COL5A1: variants seen among roughly 807,000 people sequenced by gnomAD.
The protein encoded by COL5A1 is collagen type V alpha 1 chain, also known as collagen alpha-1(V) chain.
COL5A1 carries 16 observed loss-of-function variants against 263.7 expected under a neutral mutation model. The observed-to-expected ratio is 0.06, with a 90% confidence interval of 0.04 to 0.09. The LOEUF (loss-of-function observed/expected upper bound fraction) is 0.09. Ranked by LOEUF, COL5A1 falls within the 10% of genes least tolerant of loss-of-function variation. The probability of loss-of-function intolerance (pLI) is 1.00; values close to 1 mark genes in which losing one functional copy is unlikely to be tolerated. For missense variants in COL5A1, 2,036 were observed against 2,540.5 expected (o/e 0.80, Z 4.27); for synonymous variants, 1,012 against 1,004.5 (o/e 1.01, Z -0.14).
chr9:134,754,427 G>A lies in COL5A1; in HGVS notation c.1827+101G>A. 8 of 1,342,298 alleles carry A rather than the reference G, an allele frequency of 6.0e-6. No homozygotes were observed. Among genetic ancestry groups the A allele is most frequent in the South Asian group, 2.3e-5 (2 of 85,478 alleles). 83.1% of individuals were successfully genotyped at this position (1,342,298 alleles called of 1,614,324 possible). On this transcript the variant is annotated intron_variant, in intron 16 of 65. Coordinates refer to ENST00000371817, the MANE Select transcript of COL5A1 (RefSeq NM_000093.5). The surrounding 1 kb of genome is among the most constrained non-coding windows in gnomAD (Gnocchi z 4.3). ...CCCCCAACAGCCAGCTGGGCCACAT[G>A]AAGCCAGGTGGCTCCCCTTCTTGTG...
Position 134,728,753 on chromosome 9 carries a change from C to T in COL5A1, c.870C>T (p.Pro290=), listed in dbSNP as rs910476804. Residue 290 remains proline, a synonymous_variant, in exon 6 of 66, where the codon CCC becomes CCT. Coordinates refer to ENST00000371817, the MANE Select transcript of COL5A1 (RefSeq NM_000093.5). ...YEDPEDLGKE[P]TPSKKPVEAA... is the part of the protein sequence containing the mutation. ...ACCCCGAAGACCTAGGGAAGGAGCCCACCCCCAGCAAGAAGCCCGTGGAAG... is the reference window on the plus strand; with the variant it reads ...ACCCCGAAGACCTAGGGAAGGAGCCTACCCCCAGCAAGAAGCCCGTGGAAG... 1 of 1,614,212 alleles carries T rather than the reference C, an allele frequency of 6.2e-7. No homozygotes were observed. Among genetic ancestry groups the T allele is most frequent in the Non-Finnish European group, 8.5e-7 (1 of 1,180,044 alleles).
chr9:134,756,432 T>A (rs1588508194), intron 16 of COL5A1, among the ~76,000 whole-genome samples: 1 of 152,358 alleles, frequency 6.6e-6, no homozygotes, highest in East Asian at 1.9e-4. Context: ...TCCCCTAGAC[T>A]GACGCAGCTC....
intron 9 of COL5A1, among the ~76,000 whole-genome samples, chr9:134,737,851 G>A (rs1835159659): frequency 6.6e-6 from 1 of 152,210 alleles, no homozygotes; most frequent in African/African-American, 2.4e-5. Flanking sequence ...GCCCTGTGGT[G>A]AGGTGAGGGC....
chr9:134,805,009 A>G lies in COL5A1; in HGVS notation c.3149A>G (p.Asp1050Gly). The G allele has an allele frequency of 6.2e-7, 1 of 1,613,912 alleles. No homozygotes were observed. Among genetic ancestry groups the G allele is most frequent in the Non-Finnish European group, 8.5e-7 (1 of 1,180,000 alleles). ...GGCCCTGCAGGCCTCCCTGGGAAAGATGGCCCTCCAGGATTACGTGGTTTC... is the reference window on the plus strand; with the variant it reads ...GGCCCTGCAGGCCTCCCTGGGAAAGGTGGCCCTCCAGGATTACGTGGTTTC... Reference protein sequence around the residue: ...DPGPAGLPGKDGPPGLRGFPG... With the variant: ...DPGPAGLPGKGGPPGLRGFPG... Residue 1050 changes from aspartate to glycine, a missense_variant, in exon 40 of 66, where the codon GAT becomes GGT. Around this residue, in one of 3 missense-constraint regions of COL5A1, gnomAD observed 1,078 missense variants for 1,521.4 expected, o/e 0.71. Transcript: ENST00000371817.
intron 19 of COL5A1, among the ~76,000 whole-genome samples, chr9:134,762,998 G>A (rs774684288): frequency 5.9e-5 from 9 of 152,180 alleles, no homozygotes; most frequent in Non-Finnish European, 5.9e-5. Context: ...AAGCATGTGT[G>A]TATGGCTGTG....
chr9:134,764,275 G>A (rs1374801135), intron 20 of COL5A1, among the ~76,000 whole-genome samples: 2 of 131,720 alleles, frequency 1.5e-5, no homozygotes, highest in South Asian at 2.9e-4. Flanking sequence ...GGGCATTGTG[G>A]GGGGTCAAGG....
rs1832904479 is a variant in COL5A1, at chr9:134,682,911, C to T, written c.110-8001C>T. ...AGCCTGGGCTTCAAAGGCAGCCGACCCATAGCCAGTGCTTAAAGATATTGA... is the reference window on the plus strand; with the variant it reads ...AGCCTGGGCTTCAAAGGCAGCCGACTCATAGCCAGTGCTTAAAGATATTGA... On this transcript the variant is annotated intron_variant, in intron 1 of 65. Transcript: ENST00000371817. The surrounding 1 kb of genome is among the most constrained non-coding windows in gnomAD (Gnocchi z 5.1). Among the ~76,000 whole-genome samples the T allele has an allele frequency of 6.6e-6, 1 of 152,146 alleles. No homozygotes were observed. Among genetic ancestry groups the T allele is most frequent in the Admixed American group, 6.5e-5 (1 of 15,276 alleles).
At chr9:134,813,750 C>CAGTGTTGCT (rs1257651647) in intron 48 of COL5A1, among the ~76,000 whole-genome samples, 2 of 152,222 alleles carry the variant, frequency 1.3e-5, no homozygotes, top group African/African-American at 4.8e-5. Context: ...CCTTCACAGA[C>CAGTGTTGCT]AGTGTTGCTT....
intron 4 of COL5A1, among the ~76,000 whole-genome samples, chr9:134,705,258 G>A (rs1438721271): frequency 1.3e-5 from 2 of 148,178 alleles, no homozygotes; most frequent in Admixed American, 7.0e-5. Context: ...CAAGACACAT[G>A]TGTCTCCTGC....
At chr9:134,804,717 A>G (rs1564470269) in intron 39 of COL5A1, among the ~76,000 whole-genome samples, 1 of 152,212 alleles carries the variant, frequency 6.6e-6, no homozygotes. Context: ...AGTGGCCAGG[A>G]GAAGCCCAAT....
intron 1 of COL5A1, among the ~76,000 whole-genome samples, chr9:134,683,710 C>T (rs1160581543): frequency 6.6e-6 from 1 of 152,204 alleles, no homozygotes; most frequent in Non-Finnish European, 1.5e-5. Context: ...TCTGTTCCTG[C>T]CGCCCTTTGA....
chr9:134,659,002 A>G (rs1832119755), intron 1 of COL5A1, among the ~76,000 whole-genome samples: 1 of 152,160 alleles, frequency 6.6e-6, no homozygotes, highest in Non-Finnish European at 1.5e-5. Flanking sequence ...TTTTATCCCG[A>G]TGGCCTCTGT....
chr9:134,806,151 G>C (rs1838289005), intron 41 of COL5A1, 38 bp from the exon 42 acceptor site: 2 of 1,453,268 alleles, frequency 1.4e-6, no homozygotes, highest in African/African-American at 1.4e-5. Flanking sequence ...CGCAGTCTGA[G>C]AGCCTTTGAA....
chr9:134,649,586 T>C lies in COL5A1; in HGVS notation c.109+7290T>C, dbSNP rs550374040. 6 of 442,562 alleles carry C rather than the reference T, an allele frequency of 1.4e-5. No individual in the cohort carries two copies. The East Asian group carries it at 4.2e-4, about 31-fold the overall frequency. 27.4% of individuals were successfully genotyped at this position (442,562 alleles called of 1,614,324 possible). A position where few individuals can be genotyped will look rare whatever the true frequency, so the allele number is the denominator to read the frequency against. On this transcript the variant is annotated intron_variant, in intron 1 of 65. Coordinates refer to ENST00000371817, the MANE Select transcript of COL5A1 (RefSeq NM_000093.5). ...GGTTTCTGGTGGCCTCTTTTTTTTC[T>C]GTAAATAAATGCCACAAAATGACAT...
intron 48 of COL5A1, 66 bp downstream of exon 48, chr9:134,812,778 G>A (rs1234596104): frequency 9.6e-7 from 1 of 1,039,988 alleles, no homozygotes; most frequent in Non-Finnish European, 1.4e-6. Context: ...GTGTGTCTGT[G>A]TGTGTGTGTC....
chr9:134,654,338 G>T lies in COL5A1; in HGVS notation c.109+12042G>T, dbSNP rs1413944937. ...AGTGTAGGGCTGGGGTGTGTGTAGG[G>T]CTGGGGGTGTGTAGGGCTGGGAGTG... On this transcript the variant is annotated intron_variant, in intron 1 of 65. Coordinates refer to ENST00000371817, the MANE Select transcript of COL5A1 (RefSeq NM_000093.5). Among the ~76,000 whole-genome samples, 8 of 132,986 alleles carry T rather than the reference G, an allele frequency of 6.0e-5. 1 individual carries two copies. Among genetic ancestry groups the T allele is most frequent in the African/African-American group, 1.7e-4 (6 of 34,562 alleles). The allele number at this position is 132,986 out of a possible 152,430, so 87.2% of individuals were successfully genotyped here. A position where few individuals can be genotyped will look rare whatever the true frequency, so the allele number is the denominator to read the frequency against.
chr9:134,728,933 C>A, intron 6 of COL5A1, 126 bp downstream of exon 6: 5 of 1,259,294 alleles, frequency 4.0e-6, no homozygotes, highest in Non-Finnish European at 5.6e-6. Context: ...GTTGCGGGGG[C>A]AGCTCAGTGA....
intron 51 of COL5A1, 100 bp downstream of exon 51, chr9:134,815,729 TC>T: frequency 7.2e-7 from 1 of 1,395,758 alleles, no homozygotes; most frequent in East Asian, 2.4e-5. Context: ...TGTGATGAAC[TC>T]CCACTGGGGC....
Position 134,810,603 on chromosome 9 carries a change from T to C in COL5A1, c.3528+295T>C, listed in dbSNP as rs34766531. 0.04 allele frequency: 17,720 copies of C among 447,356 alleles called. 477 individuals carry two copies. The highest frequency in any genetic ancestry group is 0.052 in the Non-Finnish European group (13,072 of 250,656). The allele number at this position is 447,356 out of a possible 1,614,324, so 27.7% of individuals were successfully genotyped here. A position where few individuals can be genotyped will look rare whatever the true frequency, so the allele number is the denominator to read the frequency against. The stretch of plus-strand genomic sequence containing the variant: ...GCTTGGGTTCTGCAGACACACCCAT[T>C]GCCCTCTGAGGTGAGGGAACCAGAA... On this transcript the variant is annotated intron_variant, in intron 44 of 65. Coordinates refer to ENST00000371817, the MANE Select transcript of COL5A1 (RefSeq NM_000093.5).
Sources: allele counts gnomAD v4.1 joint callset (sites outside exome capture counted in the v4.1 genomes callset), GRCh38; gene constraint gnomAD v4.1.1; regional missense constraint gnomAD v4.1.1; non-coding constraint Gnocchi (gnomAD v3.1); transcripts MANE v1.5; gene names NCBI Gene and HGNC (gene_info 2026-07-23, HGNC 2026-07-21).